The following MACROD2 variants were observed in gnomAD, a reference collection of about 807,000 sequenced individuals.
The protein encoded by MACROD2 is mono-ADP ribosylhydrolase 2, also known as ADP-ribose glycohydrolase MACROD2.
Under a neutral mutation model 70.4 loss-of-function variants are expected in MACROD2, and 36 were observed. The ratio of observed to expected loss-of-function variants is 0.51; its 90% CI spans 0.39 to 0.68. MACROD2 has a LOEUF of 0.68. Ranked by LOEUF, MACROD2 falls within the 30% of genes least tolerant of loss-of-function variation. MACROD2 has a pLI of 0.00. For synonymous variants in MACROD2, 172 were observed against 178.8 expected, an observed-to-expected ratio of 0.96 and a Z score of 0.30; for missense variants, 496 against 538.4, an observed-to-expected ratio of 0.92 and a Z score of 0.78.
At chr20:14,206,970 T>C (rs544274037) in intron 3 of MACROD2, among the ~76,000 whole-genome samples, 26 of 152,222 alleles carry the variant, frequency 1.7e-4, no homozygotes, top group African/African-American at 5.8e-4. Context: ...ATGATAGTGA[T>C]AATAATAGAA....
At chr20:14,813,640 CAGGGCAAGGCAT>C (rs1221209104) in intron 5 of MACROD2, among the ~76,000 whole-genome samples, 1 of 151,992 alleles carries the variant, frequency 6.6e-6, no homozygotes, top group African/African-American at 2.4e-5. Flanking sequence ...AGGAGGTGCT[CAGGGCAAGGCAT>C]GTGGGAAGGG....
intron 5 of MACROD2, among the ~76,000 whole-genome samples, chr20:15,089,871 A>G (rs771768827): frequency 9.9e-5 from 15 of 152,168 alleles, no homozygotes; most frequent in Non-Finnish European, 2.1e-4. Context: ...GGCAAGAAGT[A>G]TCTGGCTCAT....
chr20:14,452,928 CACTT>C (rs371799641), intron 3 of MACROD2, among the ~76,000 whole-genome samples: 11 of 152,204 alleles, frequency 7.2e-5, no homozygotes, highest in African/African-American at 2.7e-4. Flanking sequence ...TGTGTCTTTC[CACTT>C]ACGGTTGCTG....
chr20:14,719,229 TAA>T (rs78431914), intron 5 of MACROD2, among the ~76,000 whole-genome samples: 2 of 145,420 alleles, frequency 1.4e-5, no homozygotes, highest in African/African-American at 5.0e-5. Context: ...GACTCCATCT[TAA>T]AAAAAAAAAA....
At chr20:15,308,960 A>G (rs966229980) in intron 6 of MACROD2, among the ~76,000 whole-genome samples, 2 of 152,106 alleles carry the variant, frequency 1.3e-5, no homozygotes, top group African/African-American at 2.4e-5. Context: ...TCTTTAACTC[A>G]TGAGCAGCTT....
chr20:14,320,528 CT>C (rs2082649457), intron 3 of MACROD2, among the ~76,000 whole-genome samples: 3 of 152,176 alleles, frequency 2.0e-5, no homozygotes, highest in African/African-American at 7.2e-5. Flanking sequence ...ATTCAACACA[CT>C]ACAAAGCCTA....
intron 5 of MACROD2, among the ~76,000 whole-genome samples, chr20:14,796,751 G>A (rs2072514248): frequency 6.6e-6 from 1 of 151,956 alleles, no homozygotes; most frequent in African/African-American, 2.4e-5. Context: ...TGTATACATA[G>A]CTTTAATATA....
chr20:14,615,301 C>T (rs540505981), intron 4 of MACROD2, among the ~76,000 whole-genome samples: 37 of 152,168 alleles, frequency 2.4e-4, no homozygotes, highest in Admixed American at 2.0e-3. Flanking sequence ...AGTTCTTCCC[C>T]GGATAGGGGA....
chr20:15,513,009 G>A (rs187087227), intron 8 of MACROD2, among the ~76,000 whole-genome samples: 1 of 152,212 alleles, frequency 6.6e-6, no homozygotes, highest in Admixed American at 6.5e-5. Flanking sequence ...TTTTCCCTTG[G>A]GTTCAGTGAC....
chr20:14,720,070 C>T (rs1460834519), intron 5 of MACROD2, among the ~76,000 whole-genome samples: 1 of 152,124 alleles, frequency 6.6e-6, no homozygotes, highest in African/African-American at 2.4e-5. Flanking sequence ...TAATATAAAA[C>T]AGAGGATGCT....
intron 6 of MACROD2, among the ~76,000 whole-genome samples, chr20:15,358,546 T>C (rs1033491660): frequency 1.3e-5 from 2 of 152,030 alleles, no homozygotes; most frequent in African/African-American, 4.8e-5. Flanking sequence ...GGAAAGAAAA[T>C]GCTTAACAGT....
At chr20:14,930,482 G>A (rs1030057763) in intron 5 of MACROD2, among the ~76,000 whole-genome samples, 3 of 152,058 alleles carry the variant, frequency 2.0e-5, no homozygotes, top group African/African-American at 7.2e-5. Context: ...TGAGCTATGA[G>A]GTCTCAGGCA....
Position 13,995,821 on chromosome 20 carries a change from G to A in MACROD2, c.46+12G>A. The A allele has an allele frequency of 1.9e-6, 3 of 1,585,558 alleles. No individual in the cohort carries two copies. The highest frequency in any genetic ancestry group is 1.7e-4 in the Middle Eastern group (1 of 5,780). On this transcript the variant is annotated intron_variant, in intron 1 of 17. Coordinates refer to ENST00000684519, the MANE Select transcript of MACROD2 (RefSeq NM_001351661.2). This position sits in a 1 kb window ranked among gnomAD's most constrained non-coding sequence, Gnocchi z 4.3. ...GAGAGAGGAGAAAGGTAACCGGCCC[G>A]TCGAGTCCTGGGGGTGCGGGCGGTG...
intron 8 of MACROD2, among the ~76,000 whole-genome samples, chr20:15,632,751 T>A (rs1232956490): frequency 1.3e-5 from 2 of 152,222 alleles, no homozygotes; most frequent in East Asian, 3.9e-4. Context: ...ACAACACGAT[T>A]ATTTATTTAT....
chr20:14,499,306 G>A (rs922683220), intron 4 of MACROD2, among the ~76,000 whole-genome samples: 2 of 152,114 alleles, frequency 1.3e-5, no homozygotes, highest in Admixed American at 1.3e-4. Context: ...CAGGGTAGGA[G>A]GATTATTTGA....
At chr20:15,584,679 A>G (rs2048572462) in intron 8 of MACROD2, among the ~76,000 whole-genome samples, 1 of 152,210 alleles carries the variant, frequency 6.6e-6, no homozygotes, top group Non-Finnish European at 1.5e-5. Context: ...TTCCTTGCGT[A>G]GTGTACCCAC....
chr20:15,883,456 G>GA (rs1179440353), intron 9 of MACROD2, among the ~76,000 whole-genome samples: 1 of 151,934 alleles, frequency 6.6e-6, no homozygotes, highest in Non-Finnish European at 1.5e-5. Context: ...AAATTATGTA[G>GA]AAAATCATCA....
rs1171687700 is a variant in MACROD2, at chr20:15,796,370, C to G, written c.646-66375C>G. Among the ~76,000 whole-genome samples, 4 of 152,326 alleles carry G rather than the reference C, an allele frequency of 2.6e-5. No homozygotes were observed. The South Asian group carries it at 6.2e-4, about 24-fold the overall frequency. On this transcript the variant is annotated intron_variant, in intron 8 of 17. Coordinates refer to ENST00000684519, the MANE Select transcript of MACROD2 (RefSeq NM_001351661.2). ...TCTAATTTTAAGAATTTTGAACTTTCCTACCACACACACACAAATTTTAGA... is the reference window on the plus strand; with the variant it reads ...TCTAATTTTAAGAATTTTGAACTTTGCTACCACACACACACAAATTTTAGA...
chr20:15,415,788 T>C (rs143074164), intron 6 of MACROD2, among the ~76,000 whole-genome samples: 1 of 152,204 alleles, frequency 6.6e-6, no homozygotes, highest in African/African-American at 2.4e-5. Flanking sequence ...CATATATCCA[T>C]GCAATAAGTG....
Sources: allele counts gnomAD v4.1 joint callset (sites outside exome capture counted in the v4.1 genomes callset), GRCh38; gene constraint gnomAD v4.1.1; non-coding constraint Gnocchi (gnomAD v3.1); transcripts MANE v1.5; gene names NCBI Gene and HGNC (gene_info 2026-07-23, HGNC 2026-07-21).